NPTN: variants seen among roughly 807,000 people sequenced by gnomAD.
The protein encoded by NPTN is neuroplastin.
In NPTN, 5 loss-of-function variants were observed where a neutral mutation model predicts 42.7. The observed-to-expected ratio is 0.12, with a 90% CI of 0.06 to 0.25. The LOEUF (loss-of-function observed/expected upper bound fraction) is 0.25. Ranked by LOEUF, NPTN falls within the 10% of genes least tolerant of loss-of-function variation. The pLI, the probability that NPTN is intolerant of heterozygous loss-of-function variation, is 1.00. For synonymous variants in NPTN, 180 were observed against 201.9 expected (o/e 0.89, Z 0.92); for missense variants, 307 against 525.4 (o/e 0.58, Z 4.06).
In NPTN at chr15:73,624,053, T is replaced by TC. The variant is rs1414607073; in HGVS notation, c.91+9071dup. Among the ~76,000 whole-genome samples, 12 of 152,328 alleles carry TC rather than the reference T, an allele frequency of 7.9e-5. No individual in the cohort carries two copies. The East Asian group carries it at 2.3e-3, about 29-fold the overall frequency. ...TTGAAAGTATTAATAGATAATCACA[T>TC]CCCCCTAGTGCTCCCTGTTCCTAAG... On this transcript the variant is annotated intron_variant, in intron 1 of 8. Coordinates refer to ENST00000345330, the MANE Select transcript of NPTN (RefSeq NM_012428.4).
At chr15:73,625,360 T>C (rs1898344745) in intron 1 of NPTN, among the ~76,000 whole-genome samples, 2 of 152,158 alleles carry the variant, frequency 1.3e-5, no homozygotes, top group African/African-American at 2.4e-5. Flanking sequence ...TAAAGAGCTT[T>C]TTTTTTTTGA....
intron 4 of NPTN, among the ~76,000 whole-genome samples, chr15:73,578,992 CAA>C (rs532918109): frequency 2.9e-4 from 16 of 54,676 alleles, no homozygotes; most frequent in Admixed American, 4.2e-4. Flanking sequence ...GATTCTGTCT[CAA>C]AAAAAAAAAA....
rs1254334348 is a variant in NPTN at position 73,570,084 on chromosome 15, G to A, written c.1114+66C>T. On this transcript the variant is annotated intron_variant, in intron 6 of 8. Coordinates refer to ENST00000345330, the MANE Select transcript of NPTN (RefSeq NM_012428.4). This position sits in a 1 kb window ranked among gnomAD's most constrained non-coding sequence, Gnocchi z 4.0. ...CCCAACATCCCTATAGTCCTCTTTG[G>A]GTACTTGGAAACCACCCGAAGGAAC... 4.7e-6 allele frequency: 7 copies of A among 1,493,806 alleles called. No homozygotes were observed. Among genetic ancestry groups the A allele is most frequent in the South Asian group, 4.1e-5 (3 of 73,676 alleles). 92.5% of individuals were successfully genotyped at this position (1,493,806 alleles called of 1,614,324 possible).
chr15:73,562,052 T>G (rs909457983), intron 7 of NPTN, 82 bp from the exon 8 acceptor site: 1 of 980,076 alleles, frequency 1.0e-6, no homozygotes, highest in African/African-American at 1.7e-5. Context: ...ACAGGGACTC[T>G]TTCACTTACT....
chr15:73,562,637 C>CCTGCA (rs1223947073), intron 7 of NPTN, among the ~76,000 whole-genome samples: 4 of 152,170 alleles, frequency 2.6e-5, no homozygotes. Context: ...TGATTCCATA[C>CCTGCA]CTGCAGTACC....
intron 4 of NPTN, among the ~76,000 whole-genome samples, chr15:73,580,304 C>T (rs1347341237): frequency 6.7e-6 from 1 of 149,792 alleles, no homozygotes; most frequent in Non-Finnish European, 1.5e-5. Context: ...TTGATAGGTG[C>T]AGCAAATCAC....
At chr15:73,567,148 ATTGTTCACTTAGTGCTTTTGT>A in intron 6 of NPTN, 1 of 984,666 alleles carries the variant, frequency 1.0e-6, no homozygotes, top group South Asian at 4.7e-5. Context: ...ATACTTTTGT[ATTGTTCACTTAGTGCTTTTGT>A]AGTAAGGGGA....
intron 2 of NPTN, among the ~76,000 whole-genome samples, chr15:73,593,190 T>A (rs981660551): frequency 5.3e-5 from 8 of 152,238 alleles, no homozygotes; most frequent in Non-Finnish European, 1.0e-4. Context: ...ATGTTTAAAA[T>A]CACTCTATAT....
Position 73,561,887 on chromosome 15 carries a change from C to T in NPTN, c.*14+9G>A. On this transcript the variant is annotated intron_variant, in intron 8 of 8. Coordinates refer to ENST00000345330, the MANE Select transcript of NPTN (RefSeq NM_012428.4). ...AATTTTTAAGACTGCTACAGAAGGC[C>T]ATACTTACATTGTAAGCAGTACTTA... The T allele has an allele frequency of 1.3e-6, 2 of 1,585,324 alleles. No homozygotes were observed. Among genetic ancestry groups the T allele is most frequent in the Non-Finnish European group, 1.7e-6 (2 of 1,158,276 alleles).
At chr15:73,602,075 T>C (rs1023216703) in intron 1 of NPTN, among the ~76,000 whole-genome samples, 1 of 151,998 alleles carries the variant, frequency 6.6e-6, no homozygotes, top group African/African-American at 2.4e-5. Flanking sequence ...TTGAGCCCAA[T>C]CCCAGGAAAA....
chr15:73,567,055 T>C, intron 6 of NPTN: 1 of 978,708 alleles, frequency 1.0e-6, no homozygotes, highest in Non-Finnish European at 1.2e-6. Context: ...ATCCTAAGCA[T>C]TTTCAATGTG....
chr15:73,592,063 G>A lies in NPTN; in HGVS notation c.514C>T (p.Leu172Phe), dbSNP rs1319598791. Residue 172 changes from leucine (L) to phenylalanine (F), a missense_variant, in exon 3 of 9, where the codon CTC (leucine) becomes TTC (phenylalanine). Coordinates refer to ENST00000345330, the MANE Select transcript of NPTN (RefSeq NM_012428.4). ...PVLPVTLQCNLTSSSHTLTYS... is the reference protein window; with the variant it reads ...PVLPVTLQCNFTSSSHTLTYS... The stretch of plus-strand genomic sequence containing the variant: ...GTAAGGGTGTGAGAGCTGGAGGTGA[G>A]GTTACACTGCAGGGTGACAGGGAGA... 1 of 1,614,052 alleles carries A rather than the reference G, an allele frequency of 6.2e-7. No individual in the cohort carries two copies. Among genetic ancestry groups the A allele is most frequent in the East Asian group, 2.2e-5 (1 of 44,878 alleles).
chr15:73,617,852 G>A (rs1299845983), intron 1 of NPTN, among the ~76,000 whole-genome samples: 1 of 152,142 alleles, frequency 6.6e-6, no homozygotes, highest in Non-Finnish European at 1.5e-5. Flanking sequence ...TGTTCCTACA[G>A]CAAGAACTAC....
rs141985291 is a variant in NPTN, at chr15:73,628,084, T to A, written c.91+5041A>T. 1.8e-4 allele frequency among the ~76,000 whole-genome samples: 28 copies of A among 152,300 alleles called. No individual in the cohort carries two copies. In the East Asian group the frequency reaches 5.2e-3, roughly 28 times the overall value. On this transcript the variant is annotated intron_variant, in intron 1 of 8. Transcript: ENST00000345330. ...GTGCTTAAAATTAAACTCCATATTA[T>A]GAACAACATTTTAAAAATTTGTATA...
chr15:73,609,420 G>A (rs1897452164), intron 1 of NPTN, among the ~76,000 whole-genome samples: 1 of 137,376 alleles, frequency 7.3e-6, no homozygotes, highest in South Asian at 2.5e-4. Flanking sequence ...CACCTGAGGT[G>A]GAGTTCAAGA....
intron 1 of NPTN, among the ~76,000 whole-genome samples, chr15:73,598,666 G>A (rs979986375): frequency 1.3e-5 from 2 of 152,140 alleles, no homozygotes; most frequent in Non-Finnish European, 2.9e-5. Context: ...GCTTGGAAAC[G>A]TCCCCTGGGA....
At chr15:73,616,775 CTGCT>C (rs987003151) in intron 1 of NPTN, among the ~76,000 whole-genome samples, 1 of 152,134 alleles carries the variant, frequency 6.6e-6, no homozygotes, top group Non-Finnish European at 1.5e-5. Flanking sequence ...AAAAATATTG[CTGCT>C]TGTCTTGAAA....
intron 1 of NPTN, among the ~76,000 whole-genome samples, chr15:73,620,993 ATTG>A (rs1220390738): frequency 6.6e-6 from 1 of 152,210 alleles, no homozygotes; most frequent in Non-Finnish European, 1.5e-5. Flanking sequence ...AGGACATCAG[ATTG>A]TTTTTTCTTC....
chr15:73,603,950 C>A (rs932338235), intron 1 of NPTN, among the ~76,000 whole-genome samples: 3 of 152,136 alleles, frequency 2.0e-5, no homozygotes, highest in African/African-American at 7.2e-5. Flanking sequence ...TTGTGAAAAT[C>A]ATGTTACATT....
Sources: gnomAD v4.1 joint callset for allele counts (sites outside exome capture counted in the v4.1 genomes callset) on GRCh38, gnomAD v4.1.1 for gene constraint, Gnocchi (gnomAD v3.1) non-coding constraint, MANE v1.5 for transcripts, NCBI Gene and HGNC (gene_info 2026-07-23, HGNC 2026-07-21) for gene names.